Variants in PDXDC1 observed in about 807,000 individuals in gnomAD.
The protein encoded by PDXDC1 is pyridoxal dependent decarboxylase domain containing 1, also known as pyridoxal-dependent decarboxylase domain-containing protein 1.
A neutral mutation model predicts 100.1 loss-of-function variants in PDXDC1; 42 were observed. The ratio of observed to expected loss-of-function variants is 0.42; its 90% CI spans 0.33 to 0.54. The LOEUF (loss-of-function observed/expected upper bound fraction) is 0.54, where lower values mean the gene tolerates loss of function less well. PDXDC1 is among the 20% of genes least tolerant of loss of function. PDXDC1 has a pLI of 0.10. For missense variants in PDXDC1, 636 were observed against 979.2 expected, an observed-to-expected ratio of 0.65 and a Z score of 4.68; for synonymous variants, 260 against 371.7, an observed-to-expected ratio of 0.70 and a Z score of 3.46.
intron 16 of PDXDC1, chr16:15,135,692 T>C (rs2048315160): frequency 1.3e-6 from 2 of 1,595,470 alleles, no homozygotes; most frequent in Non-Finnish European, 1.7e-6. Context: ...GAGCGGCGTC[T>C]GGTCGCCATC....
chr16:15,070,905 A>G (rs547979841), intron 16 of PDXDC1, among the ~76,000 whole-genome samples: 3 of 152,336 alleles, frequency 2.0e-5, no homozygotes, highest in African/African-American at 7.2e-5. Context: ...ACCAAAAGAG[A>G]TGACAAAAGC....
At chr16:15,076,957 G>A (rs1220689147) in intron 16 of PDXDC1, among the ~76,000 whole-genome samples, 1 of 150,216 alleles carries the variant, frequency 6.7e-6, no homozygotes, top group Non-Finnish European at 1.5e-5. Context: ...ATATGGTCTG[G>A]CTCTGTGTCC....
chr16:14,986,192 G>T (rs1458476764), intron 1 of PDXDC1, among the ~76,000 whole-genome samples: 1 of 152,286 alleles, frequency 6.6e-6, no homozygotes, highest in Admixed American at 6.5e-5. Context: ...CTCAGTTCTG[G>T]CTGGGTGCAG....
chr16:15,099,440 A>C (rs2151844344), intron 16 of PDXDC1, among the ~76,000 whole-genome samples: 2 of 151,496 alleles, frequency 1.3e-5, no homozygotes, highest in Middle Eastern at 6.8e-3. Context: ...AAAAAAAAAA[A>C]AAAAGGAGAA....
intron 1 of PDXDC1, chr16:14,996,451 A>G: frequency 4.5e-6 from 1 of 223,864 alleles, no homozygotes; most frequent in Non-Finnish European, 8.7e-6. Flanking sequence ...ATAATATATA[A>G]TATATAATTT....
At chr16:14,993,388 C>T (rs530860323) in intron 1 of PDXDC1, among the ~76,000 whole-genome samples, 31 of 151,170 alleles carry the variant, frequency 2.1e-4, no homozygotes, top group South Asian at 6.3e-4. Context: ...TGAGAACACG[C>T]GGTGTTTGGT....
chr16:15,058,972 C>T (rs2044620345), intron 16 of PDXDC1, among the ~76,000 whole-genome samples: 1 of 152,152 alleles, frequency 6.6e-6, no homozygotes, highest in South Asian at 2.1e-4. Flanking sequence ...CTCAACCATC[C>T]AGAGTCAGAC....
chr16:15,096,347 G>C (rs2046356388), intron 16 of PDXDC1, among the ~76,000 whole-genome samples: 1 of 152,112 alleles, frequency 6.6e-6, no homozygotes. Context: ...GACCTCAAGT[G>C]ATCCGCCCGC....
At chr16:15,141,311 G>C (rs1464244242), downstream of PDXDC1, among the ~76,000 whole-genome samples, 1 of 152,248 alleles carries the variant, frequency 6.6e-6, no homozygotes, top group Non-Finnish European at 1.5e-5. Context: ...GGGGACCAGA[G>C]GCCACCCCAG....
At chr16:15,024,524 T>G (rs1205872544) in intron 13 of PDXDC1, among the ~76,000 whole-genome samples, 1 of 152,236 alleles carries the variant, frequency 6.6e-6, no homozygotes, top group Non-Finnish European at 1.5e-5. Flanking sequence ...GCAGTTCTCC[T>G]GCCTCAGCCT....
At chr16:15,001,162 C>T (rs1336338860) in intron 3 of PDXDC1, among the ~76,000 whole-genome samples, 2 of 152,120 alleles carry the variant, frequency 1.3e-5, no homozygotes, top group African/African-American at 4.8e-5. Context: ...TGAGACCAGG[C>T]TGGGCAACAT....
chr16:15,096,818 C>T (rs147313257), intron 16 of PDXDC1, among the ~76,000 whole-genome samples: 34 of 152,316 alleles, frequency 2.2e-4, no homozygotes, highest in Middle Eastern at 3.4e-3. Flanking sequence ...CGAACCCACA[C>T]CACCAAGCCC....
chr16:14,978,116 C>T (rs1198413062), intron 1 of PDXDC1, among the ~76,000 whole-genome samples: 1 of 152,122 alleles, frequency 6.6e-6, no homozygotes, highest in Non-Finnish European at 1.5e-5. Context: ...TCTTCCACAA[C>T]AGTATCAGTT....
intron 1 of PDXDC1, among the ~76,000 whole-genome samples, chr16:14,976,282 C>T (rs1428521606): frequency 3.9e-5 from 6 of 152,274 alleles, no homozygotes; most frequent in African/African-American, 1.4e-4. Context: ...TGTTTTAAGA[C>T]GGCTACATTT....
intron 1 of PDXDC1, among the ~76,000 whole-genome samples, chr16:14,992,354 C>T (rs1006981341): frequency 2.6e-5 from 4 of 152,288 alleles, no homozygotes; most frequent in African/African-American, 9.6e-5. Flanking sequence ...GAGGATATTT[C>T]AGACACTATG....
intron 1 of PDXDC1, among the ~76,000 whole-genome samples, chr16:14,976,077 AACGG>A (rs1425504767): frequency 1.3e-5 from 2 of 152,292 alleles, no homozygotes; most frequent in African/African-American, 4.8e-5. Context: ...TACCATGTGA[AACGG>A]ATTCTCATTG....
intron 5 of PDXDC1, among the ~76,000 whole-genome samples, chr16:15,006,055 A>G (rs1479404077): frequency 1.3e-5 from 2 of 152,298 alleles, no homozygotes; most frequent in Non-Finnish European, 2.9e-5. Context: ...GCTATGAACT[A>G]TGCCTGTGTT....
intron 12 of PDXDC1, among the ~76,000 whole-genome samples, chr16:15,021,577 C>T (rs575344452): frequency 2.6e-5 from 4 of 152,392 alleles, no homozygotes; most frequent in East Asian, 1.9e-4. Flanking sequence ...CTATGGAGTG[C>T]GGGAGAATGA....
Position 15,104,786 on chromosome 16 carries a change from C to G in PDXDC1, c.1400-34093C>G, listed in dbSNP as rs544667628. On this transcript the variant is annotated intron_variant, in intron 16 of 16. Transcript: ENST00000535621. ...GTAGGGCCAAAGGAGGGAATGTTTT[C>G]ACACATATTCATTTGATGGACAAAA... 429 of 1,574,484 alleles carry G rather than the reference C, an allele frequency of 2.7e-4. 4 individuals are homozygous for G. In the South Asian group the frequency reaches 4.7e-3, roughly 17 times the overall value.
Sources: allele counts gnomAD v4.1 joint callset (sites outside exome capture counted in the v4.1 genomes callset), GRCh38; gene constraint gnomAD v4.1.1; transcripts MANE v1.5; gene names NCBI Gene and HGNC (gene_info 2026-07-23, HGNC 2026-07-21).